The following KYNU variants were observed in gnomAD, a reference collection of about 807,000 sequenced individuals.
KYNU encodes kynureninase.
KYNU carries 54 observed loss-of-function variants against 59.2 expected under a neutral mutation model. The observed-to-expected ratio is 0.91, with a 90% confidence interval of 0.73 to 1.14. The LOEUF (loss-of-function observed/expected upper bound fraction) is 1.14, where lower values mean the gene tolerates loss of function less well. Among genes scored for constraint, KYNU ranks in the 50% most tolerant of loss-of-function variants. The pLI is 0.00. For synonymous variants in KYNU, 177 were observed against 192.0 expected, an observed-to-expected ratio of 0.92 and a Z score of 0.65; for missense variants, 567 against 554.4, an observed-to-expected ratio of 1.02 and a Z score of -0.23.
intron 10 of KYNU, among the ~76,000 whole-genome samples, chr2:143,004,752 A>G (rs1470146216): frequency 6.6e-6 from 1 of 152,184 alleles, no homozygotes; most frequent in Non-Finnish European, 1.5e-5. Flanking sequence ...ATACAATACT[A>G]TCTTTACTAT....
At chr2:143,022,692 T>A (rs959717041) in intron 10 of KYNU, among the ~76,000 whole-genome samples, 18 of 152,016 alleles carry the variant, frequency 1.2e-4, no homozygotes, top group Admixed American at 1.0e-3. Context: ...CCTATTAAAA[T>A]CTATTAGTTT....
intron 2 of KYNU, among the ~76,000 whole-genome samples, chr2:142,890,185 T>C (rs3820754): frequency 4.0e-5 from 6 of 151,622 alleles, no homozygotes; most frequent in Non-Finnish European, 8.8e-5. Flanking sequence ...AAAAGGAAGA[T>C]ATAAGAAAGA....
chr2:142,935,481 G>A (rs1051466086), intron 4 of KYNU, among the ~76,000 whole-genome samples: 7 of 152,172 alleles, frequency 4.6e-5, no homozygotes, highest in Non-Finnish European at 8.8e-5. Flanking sequence ...ATCAGCCTGC[G>A]CCTGAGCTAG....
intron 4 of KYNU, 110 bp from the exon 5 acceptor site, chr2:142,954,700 C>T (rs1445515148): frequency 1.4e-6 from 1 of 737,108 alleles, no homozygotes; most frequent in East Asian, 2.6e-5. Context: ...TCAAATATGC[C>T]CTTATCTCTA....
chr2:142,886,384 C>T (rs1330353568), intron 2 of KYNU, among the ~76,000 whole-genome samples: 1 of 152,102 alleles, frequency 6.6e-6, no homozygotes, highest in Non-Finnish European at 1.5e-5. Context: ...CTAATATATA[C>T]TATGTAATAA....
intron 1 of KYNU, among the ~76,000 whole-genome samples, chr2:142,880,321 G>A (rs1456242733): frequency 5.3e-5 from 8 of 152,110 alleles, no homozygotes; most frequent in Non-Finnish European, 1.2e-4. Flanking sequence ...CAAGAAGATG[G>A]GTCCCCTGGA....
chr2:142,918,163 T>C (rs570859092), intron 2 of KYNU, among the ~76,000 whole-genome samples: 71 of 152,336 alleles, frequency 4.7e-4, no homozygotes, highest in African/African-American at 1.7e-3. Context: ...ACTTAAGTTA[T>C]GTAAATAATT....
rs897344594 is a variant in KYNU at position 143,054,660 on chromosome 2, C to T, written c.*12488C>T. On this transcript the variant is annotated 3_prime_UTR_variant, in exon 14 of 14. Transcript: ENST00000264170. ...AAGAAACCAAGTCCAATCAAAATAG[C>T]CCTAAAGCTACCTTCCAGTTTATAA... 1 of 152,152 alleles carries T rather than the reference C, an allele frequency of 6.6e-6. No individual in the cohort carries two copies. The highest frequency in any genetic ancestry group is 2.4e-5 in the African/African-American group (1 of 41,432). The allele number at this position is 152,152 out of a possible 1,614,324, so 9.4% of individuals were successfully genotyped here. A position where few individuals can be genotyped will look rare whatever the true frequency, so the allele number is the denominator to read the frequency against.
chr2:142,955,903 C>T (rs2105086535), intron 5 of KYNU, among the ~76,000 whole-genome samples: 1 of 152,158 alleles, frequency 6.6e-6, no homozygotes, highest in South Asian at 2.1e-4. Flanking sequence ...TGTTGTTAAT[C>T]ATCAGACTTT....
At chr2:142,904,790 G>C (rs1248275754) in intron 2 of KYNU, among the ~76,000 whole-genome samples, 1 of 152,134 alleles carries the variant, frequency 6.6e-6, no homozygotes. Flanking sequence ...TCCACGGTGT[G>C]TAACCACCCA....
intron 8 of KYNU, among the ~76,000 whole-genome samples, chr2:142,965,444 AGGC>A (rs1684496562): frequency 3.1e-5 from 4 of 129,858 alleles, no homozygotes; most frequent in Non-Finnish European, 6.4e-5. Context: ...GAAAGACTTG[AGGC>A]AAGGGGCTGC....
At chr2:142,930,992 G>A (rs1021582405) in intron 4 of KYNU, among the ~76,000 whole-genome samples, 1 of 152,180 alleles carries the variant, frequency 6.6e-6, no homozygotes, top group African/African-American at 2.4e-5. Flanking sequence ...AGGTTTTATA[G>A]TCTCCTGTAA....
chr2:142,953,294 A>G (rs1184312043), intron 4 of KYNU, among the ~76,000 whole-genome samples: 1 of 152,224 alleles, frequency 6.6e-6, no homozygotes, highest in Non-Finnish European at 1.5e-5. Context: ...ATTGAAGTCA[A>G]CCTCTCAGGG....
intron 2 of KYNU, among the ~76,000 whole-genome samples, chr2:142,900,601 G>A (rs1294580176): frequency 2.0e-5 from 3 of 152,174 alleles, no homozygotes; most frequent in Non-Finnish European, 4.4e-5. Flanking sequence ...CAAGCCCCAT[G>A]TTTAAAGATG....
chr2:142,947,871 A>G (rs973087134), intron 4 of KYNU: 1 of 152,168 alleles, frequency 6.6e-6, no homozygotes, highest in Non-Finnish European at 1.5e-5. Flanking sequence ...TAGGCTGAAA[A>G]AAGCAGGGTT....
chr2:143,050,315 C>T lies in KYNU; in HGVS notation c.*8143C>T, dbSNP rs982741696. ...GTTCCCTCCCCTCACCTCCCACCCC[C>T]CAGCAGGCCCTGGTGTGTGTTGTTC... is the stretch of plus-strand genomic sequence containing the variant. On this transcript the variant is annotated 3_prime_UTR_variant, in exon 14 of 14. Transcript: ENST00000264170. 1 of 152,036 alleles carries T rather than the reference C, an allele frequency of 6.6e-6. No individual in the cohort carries two copies. The highest frequency in any genetic ancestry group is 2.4e-5 in the African/African-American group (1 of 41,368). The allele number at this position is 152,036 out of a possible 1,614,324, so 9.4% of individuals were successfully genotyped here.
chr2:142,907,308 G>A (rs1031792990), intron 2 of KYNU, among the ~76,000 whole-genome samples: 8 of 152,200 alleles, frequency 5.3e-5, no homozygotes, highest in East Asian at 1.9e-4. Context: ...ATCAGAAGCC[G>A]TGGGACATGG....
chr2:142,903,803 A>AG (rs1005350739), intron 2 of KYNU, among the ~76,000 whole-genome samples: 6 of 152,116 alleles, frequency 3.9e-5, no homozygotes, highest in Non-Finnish European at 8.8e-5. Context: ...GGCATGGACG[A>AG]GGGGGGTGGC....
At chr2:143,037,367 AT>A (rs1484720209) in intron 12 of KYNU, among the ~76,000 whole-genome samples, 12 of 152,216 alleles carry the variant, frequency 7.9e-5, no homozygotes, top group African/African-American at 2.7e-4. Context: ...GAGGGTTCAT[AT>A]TTATGTGTAG....
Sources: gnomAD v4.1 joint callset for allele counts (sites outside exome capture counted in the v4.1 genomes callset) on GRCh38, gnomAD v4.1.1 for gene constraint, MANE v1.5 for transcripts, NCBI Gene and HGNC (gene_info 2026-07-23, HGNC 2026-07-21) for gene names.